Variants in LRRK1 observed in about 807,000 individuals in gnomAD.
The protein encoded by LRRK1 is leucine rich repeat kinase 1, also known as leucine-rich repeat serine/threonine-protein kinase 1.
In LRRK1, 113 loss-of-function variants were observed where a neutral mutation model predicts 209.1. The ratio of observed to expected loss-of-function variants is 0.54; its 90% confidence interval spans 0.46 to 0.63. The LOEUF is 0.63. LRRK1 is among the 30% of genes least tolerant of loss of function. The pLI is 0.00. For missense variants in LRRK1, 2,284 were observed against 2,632.2 expected (o/e 0.87, Z 2.89); for synonymous variants, 1,144 against 1,099.7 (o/e 1.04, Z -0.80).
At chr15:100,968,758 T>C (rs2030655766) in intron 2 of LRRK1, among the ~76,000 whole-genome samples, 1 of 148,940 alleles carries the variant, frequency 6.7e-6, no homozygotes, top group Non-Finnish European at 1.5e-5. Context: ...CTTTCTTTCC[T>C]TCCTTCCCTT....
intron 15 of LRRK1, among the ~76,000 whole-genome samples, chr15:101,023,122 G>GC (rs968424127): frequency 6.6e-5 from 10 of 152,268 alleles, no homozygotes; most frequent in African/African-American, 2.4e-4. Flanking sequence ...ACCAGCATCT[G>GC]CCCCCTGATG....
chr15:101,028,926 G>A (rs2034158989), intron 19 of LRRK1, 30 bp from the exon 20 acceptor site: 1 of 1,608,510 alleles, frequency 6.2e-7, no homozygotes, highest in Non-Finnish European at 8.5e-7. Context: ...TTGTCTAACT[G>A]CTGCTTCCTC....
intron 28 of LRRK1, among the ~76,000 whole-genome samples, chr15:101,057,712 G>A (rs1433109851): frequency 2.6e-5 from 4 of 152,184 alleles, no homozygotes; most frequent in African/African-American, 9.7e-5. Flanking sequence ...GCAATATAGT[G>A]AGATGAAGAG....
rs1388992223 is a variant in LRRK1 at position 101,038,856 on chromosome 15, A to G, written c.2964-7125A>G. Among the ~76,000 whole-genome samples the G allele has an allele frequency of 2.0e-5, 3 of 152,244 alleles. No homozygotes were observed. In the East Asian group the frequency reaches 5.8e-4, roughly 29 times the overall value. On this transcript the variant is annotated intron_variant, in intron 20 of 33. Transcript: ENST00000388948. ...GTGGCCATCTTGCCTTCTTCTGTGC[A>G]AATCTCTCTCTTCCCCCATCTTTTA...
At chr15:100,941,134 C>T (rs1180092607) in intron 2 of LRRK1, among the ~76,000 whole-genome samples, 1 of 148,650 alleles carries the variant, frequency 6.7e-6, no homozygotes, top group African/African-American at 2.5e-5. Flanking sequence ...GTGTGTGTCT[C>T]TTTGTATGTG....
At chr15:100,970,532 T>A (rs780553359) in intron 2 of LRRK1, among the ~76,000 whole-genome samples, 24 of 152,242 alleles carry the variant, frequency 1.6e-4, no homozygotes, top group Non-Finnish European at 3.1e-4. Flanking sequence ...CTGTCTTGAT[T>A]ACTATAGCTT....
chr15:101,058,621 G>GAGT lies in LRRK1; in HGVS notation c.4679+480_4679+481insAGT, dbSNP rs1555479978. Among the ~76,000 whole-genome samples, 20 of 148,780 alleles carry GAGT rather than the reference G, an allele frequency of 1.3e-4. 3 individuals are homozygous for GAGT. Among genetic ancestry groups the GAGT allele is most frequent in the South Asian group, 4.3e-4 (2 of 4,666 alleles). ...CCCAGATTGCAGAAGGGGCAACGGGGGGGGGCGTCTAAACAGAGTTGGGGT... is the reference window on the plus strand; with the variant it reads ...CCCAGATTGCAGAAGGGGCAACGGGGAGTGGGGGCGTCTAAACAGAGTTGGGGT... On this transcript the variant is annotated intron_variant, in intron 29 of 33. Transcript: ENST00000388948.
intron 20 of LRRK1, among the ~76,000 whole-genome samples, chr15:101,044,567 G>A (rs977570524): frequency 1.3e-5 from 2 of 152,220 alleles, no homozygotes; most frequent in African/African-American, 4.8e-5. Context: ...GGCTTCTGTG[G>A]CCACTCAGGA....
rs1393532707 is a variant in LRRK1, at chr15:101,027,626, A to C, written c.2527-12A>C. On this transcript the variant is annotated splice_polypyrimidine_tract_variant and intron_variant, in intron 18 of 33. Coordinates refer to ENST00000388948, the MANE Select transcript of LRRK1 (RefSeq NM_024652.6). The surrounding 1 kb of genome is among the most constrained non-coding windows in gnomAD (Gnocchi z 5.1). ...GACCTGAGAGACCCTGCCTCGCCCA[A>C]CTGTCCCCCAGATCCCCAGGAGCTA... is the stretch of plus-strand genomic sequence containing the variant. 1 of 1,609,602 alleles carries C rather than the reference A, an allele frequency of 6.2e-7. No individual in the cohort carries two copies. The highest frequency in any genetic ancestry group is 1.7e-5 in the Admixed American group (1 of 59,566).
chr15:100,944,588 G>A (rs767079970), intron 2 of LRRK1, among the ~76,000 whole-genome samples: 4 of 152,174 alleles, frequency 2.6e-5, no homozygotes, highest in African/African-American at 4.8e-5. Flanking sequence ...AGCTACGGAG[G>A]ACTCCTGATC....
intron 28 of LRRK1, 52 bp from the exon 29 acceptor site, chr15:101,057,938 C>A (rs2035907621): frequency 1.2e-6 from 2 of 1,600,548 alleles, no homozygotes; most frequent in African/African-American, 1.3e-5. Flanking sequence ...AGAACGGGCA[C>A]CAATCCGGTT....
intron 6 of LRRK1, among the ~76,000 whole-genome samples, chr15:100,992,035 T>C (rs1395338778): frequency 6.6e-6 from 1 of 152,228 alleles, no homozygotes. Context: ...CTATTATAAA[T>C]GCTCATTGTC....
At chr15:100,973,542 CT>C (rs2031078825) in intron 2 of LRRK1, among the ~76,000 whole-genome samples, 1 of 152,176 alleles carries the variant, frequency 6.6e-6, no homozygotes, top group Admixed American at 6.5e-5. Context: ...CCCCGGTGCC[CT>C]GGAAGGGCTC....
In LRRK1 at chr15:101,054,849, G is replaced by T. The variant is rs887138999; in HGVS notation, c.4055-97G>T. 4.7e-6 allele frequency: 5 copies of T among 1,066,892 alleles called. No homozygotes were observed. In the African/African-American group the frequency reaches 8.0e-5, roughly 17 times the overall value. 66.1% of individuals were successfully genotyped at this position (1,066,892 alleles called of 1,614,324 possible). On this transcript the variant is annotated intron_variant, in intron 26 of 33. Coordinates refer to ENST00000388948, the MANE Select transcript of LRRK1 (RefSeq NM_024652.6). The stretch of plus-strand genomic sequence containing the variant: ...AAGAAAAAAAATCATAAAGTATCTA[G>T]GGAGATCGGAAGACAAAAAGACAGT...
At position 100,981,700 on chromosome 15, in the gene LRRK1, A is replaced by G. The variant is rs187434847; in HGVS notation, c.262-1828A>G. 7.9e-3 allele frequency among the ~76,000 whole-genome samples: 1,198 copies of G among 152,290 alleles called. 17 individuals carry two copies. The highest frequency in any genetic ancestry group is 0.028 in the African/African-American group (1,147 of 41,548). ...TGGGCAAGCTTTTATTTCCTCTTCCATAACATAGAAATACAGGCACATTCC... is the reference window on the plus strand; with the variant it reads ...TGGGCAAGCTTTTATTTCCTCTTCCGTAACATAGAAATACAGGCACATTCC... On this transcript the variant is annotated intron_variant, in intron 3 of 33. Coordinates refer to ENST00000388948, the MANE Select transcript of LRRK1 (RefSeq NM_024652.6).
rs35118841 is a variant in LRRK1, at chr15:100,977,187, G to GAAAA, written c.261+3231_261+3234dup. On this transcript the variant is annotated intron_variant, in intron 3 of 33. Transcript: ENST00000388948. ...ATCCAGAAACACAAACTGGCACAGAGAAAAAAAAAAAAAATTCCAAGGAAA... is the reference window on the plus strand; with the variant it reads ...ATCCAGAAACACAAACTGGCACAGAGAAAAAAAAAAAAAAAAAATTCCAAGGAAA... Among the ~76,000 whole-genome samples the GAAAA allele has an allele frequency of 7.2e-4, 103 of 142,662 alleles. 1 individual carries two copies. Among genetic ancestry groups the GAAAA allele is most frequent in the Admixed American group, 6.9e-4 (10 of 14,476 alleles). 93.6% of individuals were successfully genotyped at this position (142,662 alleles called of 152,430 possible).
At chr15:101,012,666 C>T (rs2033320795) in intron 10 of LRRK1, among the ~76,000 whole-genome samples, 1 of 151,420 alleles carries the variant, frequency 6.6e-6, no homozygotes, top group Non-Finnish European at 1.5e-5. Flanking sequence ...GCACAGGCTT[C>T]AGCCCCCGGT....
At chr15:101,021,978 T>G in intron 14 of LRRK1, 21 bp downstream of exon 14, 2 of 1,511,632 alleles carry the variant, frequency 1.3e-6, no homozygotes, top group Non-Finnish European at 1.8e-6. Flanking sequence ...CGCAGCCCTG[T>G]CCCCTGCCAT....
At chr15:100,970,972 G>A (rs2030834580) in intron 2 of LRRK1, among the ~76,000 whole-genome samples, 1 of 152,018 alleles carries the variant, frequency 6.6e-6, no homozygotes, top group Non-Finnish European at 1.5e-5. Flanking sequence ...AATGTTAACT[G>A]CTATTATGTG....
Sources: gnomAD v4.1 joint callset for allele counts (sites outside exome capture counted in the v4.1 genomes callset) on GRCh38, gnomAD v4.1.1 for gene constraint, Gnocchi (gnomAD v3.1) non-coding constraint, MANE v1.5 for transcripts, NCBI Gene and HGNC (gene_info 2026-07-23, HGNC 2026-07-21) for gene names.